Variants in ASTN1 observed in about 807,000 individuals in gnomAD.
The protein encoded by ASTN1 is astrotactin 1.
A neutral mutation model predicts 140.7 loss-of-function variants in ASTN1; 41 were observed. That is an observed-to-expected ratio of 0.29 (90% confidence interval 0.23 to 0.38). The LOEUF is 0.38. Among genes scored for constraint, ASTN1 ranks in the 10% least tolerant of loss-of-function variants. The pLI, the probability that ASTN1 is intolerant of heterozygous loss-of-function variation, is 1.00. For missense variants in ASTN1, 1,479 were observed against 1,678.8 expected (o/e 0.88, Z 2.08); for synonymous variants, 640 against 652.2 (o/e 0.98, Z 0.29).
chr1:177,004,009 A>C (rs188996664), intron 8 of ASTN1, among the ~76,000 whole-genome samples: 13 of 152,308 alleles, frequency 8.5e-5, no homozygotes, highest in Admixed American at 7.8e-4. Flanking sequence ...AAGGGCATCC[A>C]AATTAATTGG....
chr1:177,130,709 A>G (rs1271303237), intron 1 of ASTN1, among the ~76,000 whole-genome samples: 1 of 152,152 alleles, frequency 6.6e-6, no homozygotes, highest in African/African-American at 2.4e-5. Flanking sequence ...CAGCTTGTTA[A>G]GGCCCATCGC....
intron 13 of ASTN1, among the ~76,000 whole-genome samples, chr1:176,944,544 G>T (rs1436324765): frequency 6.6e-6 from 1 of 152,166 alleles, no homozygotes; most frequent in Admixed American, 6.5e-5. Context: ...GATTATAGGC[G>T]TGAGCCACAG....
chr1:176,972,902 T>C (rs1673201719), intron 8 of ASTN1, among the ~76,000 whole-genome samples: 1 of 152,152 alleles, frequency 6.6e-6, no homozygotes, highest in African/African-American at 2.4e-5. Flanking sequence ...GATAAGTTCA[T>C]TAATTCATGC....
intron 16 of ASTN1, among the ~76,000 whole-genome samples, chr1:176,906,078 A>C (rs992031382): frequency 1.3e-5 from 2 of 152,220 alleles, no homozygotes; most frequent in Non-Finnish European, 2.9e-5. Flanking sequence ...TGCTGTGGCA[A>C]GCCATATACC....
chr1:176,889,908 C>T (rs558706119), intron 17 of ASTN1, among the ~76,000 whole-genome samples: 60 of 152,212 alleles, frequency 3.9e-4, no homozygotes, highest in African/African-American at 1.3e-3. Context: ...GCATAAGTGC[C>T]CACTTTATGC....
intron 7 of ASTN1, among the ~76,000 whole-genome samples, chr1:177,015,583 C>T (rs1215789844): frequency 1.3e-5 from 2 of 152,150 alleles, no homozygotes; most frequent in South Asian, 4.1e-4. Context: ...ATCTACAATT[C>T]CACATTTATT....
At position 177,024,902 on chromosome 1, in the gene ASTN1, C is replaced by T. The variant is rs186997135; in HGVS notation, c.1121-170G>A. ...CCTCAGTGACCTTCTTCCTCACAGA[C>T]ACCATGCCATCAGTTGGAGTCAGAG... On this transcript the variant is annotated intron_variant, in intron 5 of 22. Coordinates refer to ENST00000361833, the MANE Select transcript of ASTN1 (RefSeq NM_004319.3). Among the ~76,000 whole-genome samples, 21 of 146,472 alleles carry T rather than the reference C, an allele frequency of 1.4e-4. No homozygotes were observed. In the East Asian group the frequency reaches 3.9e-3, roughly 27 times the overall value.
chr1:176,931,491 T>C (rs997038147), intron 16 of ASTN1, among the ~76,000 whole-genome samples: 4 of 151,786 alleles, frequency 2.6e-5, no homozygotes, highest in South Asian at 4.2e-4. Context: ...AATAAACAAA[T>C]AAATAAATAA....
intron 8 of ASTN1, among the ~76,000 whole-genome samples, chr1:176,980,794 G>T (rs1673576996): frequency 6.6e-6 from 1 of 152,100 alleles, no homozygotes; most frequent in Non-Finnish European, 1.5e-5. Flanking sequence ...AAATAAAGAA[G>T]AATTTGAAGA....
intron 21 of ASTN1, 130 bp downstream of exon 21, chr1:176,876,407 C>T (rs989804376): frequency 2.8e-5 from 26 of 923,436 alleles, no homozygotes; most frequent in Admixed American, 4.3e-5. Flanking sequence ...CTGTACTGGG[C>T]CTTGAATTCT....
At chr1:177,068,959 C>T (rs1678499510) in intron 1 of ASTN1, among the ~76,000 whole-genome samples, 1 of 151,786 alleles carries the variant, frequency 6.6e-6, no homozygotes, top group Non-Finnish European at 1.5e-5. Flanking sequence ...GCTGGGACTA[C>T]AGGTAGGTAC....
chr1:177,029,287 T>C, intron 5 of ASTN1: 1 of 496,234 alleles, frequency 2.0e-6, no homozygotes, highest in Non-Finnish European at 4.1e-6. Context: ...TATCCATCTT[T>C]TCACATACAA....
chr1:177,135,443 C>A (rs1682146511), intron 1 of ASTN1, among the ~76,000 whole-genome samples: 1 of 151,940 alleles, frequency 6.6e-6, no homozygotes, highest in South Asian at 2.1e-4. Flanking sequence ...CCACAAGCAA[C>A]GTGACCATGG....
At chr1:177,054,993 G>T (rs2102020812) in intron 2 of ASTN1, among the ~76,000 whole-genome samples, 1 of 152,258 alleles carries the variant, frequency 6.6e-6, no homozygotes, top group African/African-American at 2.4e-5. Flanking sequence ...TTAAAATCAG[G>T]AGAGTGTTGT....
At chr1:177,115,704 T>C (rs1044284609) in intron 1 of ASTN1, among the ~76,000 whole-genome samples, 2 of 135,918 alleles carry the variant, frequency 1.5e-5, no homozygotes, top group Non-Finnish European at 3.1e-5. Context: ...ATAAATGTCA[T>C]GAAAATAATG....
intron 2 of ASTN1, among the ~76,000 whole-genome samples, chr1:177,049,748 C>T (rs12075089): frequency 5.3e-5 from 8 of 152,218 alleles, no homozygotes; most frequent in Non-Finnish European, 1.2e-4. Context: ...CCACGTCACT[C>T]TGCTTTGAAA....
chr1:177,042,569 T>C (rs1392289582), intron 2 of ASTN1, among the ~76,000 whole-genome samples: 1 of 152,230 alleles, frequency 6.6e-6, no homozygotes, highest in African/African-American at 2.4e-5. Context: ...AAAGAAGTAA[T>C]ACTAATGATA....
At chr1:177,025,061 T>G (rs1676038851) in intron 5 of ASTN1, among the ~76,000 whole-genome samples, 1 of 152,178 alleles carries the variant, frequency 6.6e-6, no homozygotes, top group Non-Finnish European at 1.5e-5. Flanking sequence ...AGCTCCAGGC[T>G]TTTGCCAAGG....
At chr1:176,890,300 C>T (rs963110157) in intron 17 of ASTN1, among the ~76,000 whole-genome samples, 3 of 152,180 alleles carry the variant, frequency 2.0e-5, no homozygotes, top group Non-Finnish European at 4.4e-5. Context: ...TACGCGGAGG[C>T]CTCTATGAGG....
Sources: allele counts gnomAD v4.1 joint callset (sites outside exome capture counted in the v4.1 genomes callset), GRCh38; gene constraint gnomAD v4.1.1; transcripts MANE v1.5; gene names NCBI Gene and HGNC (gene_info 2026-07-23, HGNC 2026-07-21).